The following GAS7 variants were observed in gnomAD, a reference collection of about 807,000 sequenced individuals.
The protein encoded by GAS7 is growth arrest-specific protein 7.
In GAS7, 28 loss-of-function variants were observed where a neutral mutation model predicts 71.1. The observed-to-expected ratio is 0.39, with a 90% CI of 0.29 to 0.54. GAS7 has a LOEUF of 0.54. Among genes scored for constraint, GAS7 ranks in the 20% least tolerant of loss-of-function variants. The probability of loss-of-function intolerance (pLI) is 0.62; values close to 1 mark genes in which losing one functional copy is unlikely to be tolerated. For missense variants in GAS7, 436 were observed against 627.8 expected, an observed-to-expected ratio of 0.69 and a Z score of 3.27; for synonymous variants, 258 against 245.8, an observed-to-expected ratio of 1.05 and a Z score of -0.46.
intron 5 of GAS7, among the ~76,000 whole-genome samples, chr17:9,947,672 A>G (rs1015099752): frequency 1.7e-4 from 26 of 151,744 alleles, no homozygotes; most frequent in Non-Finnish European, 2.4e-4. Flanking sequence ...TGGACCCGGG[A>G]GGCAGAGGTT....
chr17:10,084,474 C>CT (rs1014664610), intron 1 of GAS7, among the ~76,000 whole-genome samples: 17 of 151,336 alleles, frequency 1.1e-4, no homozygotes, highest in South Asian at 2.1e-4. Flanking sequence ...TTCCCTTTAT[C>CT]TTTTTTTTTG....
chr17:10,071,626 G>A (rs1417500027), intron 1 of GAS7, among the ~76,000 whole-genome samples: 1 of 152,136 alleles, frequency 6.6e-6, no homozygotes. Context: ...GACAGGTCTT[G>A]TGAAAAAACA....
chr17:10,026,332 C>G lies in GAS7; in HGVS notation c.184-6435G>C. The G allele has an allele frequency of 1.0e-6, 1 of 973,094 alleles. No individual in the cohort carries two copies. The highest frequency in any genetic ancestry group is 1.2e-6 in the Non-Finnish European group (1 of 818,712). The allele number at this position is 973,094 out of a possible 1,614,324, so 60.3% of individuals were successfully genotyped here. On this transcript the variant is annotated intron_variant, in intron 1 of 13. Transcript: ENST00000432992. This position sits in a 1 kb window ranked among gnomAD's most constrained non-coding sequence, Gnocchi z 4.5. Reference sequence around the variant, plus strand: ...ATCCACAGGGCCCCACACCCCCACTCCCCCCACACCCAGATCTATATATAA... The same window carrying G: ...ATCCACAGGGCCCCACACCCCCACTGCCCCCACACCCAGATCTATATATAA...
At chr17:10,177,771 G>A (rs2074383966) in intron 1 of GAS7, among the ~76,000 whole-genome samples, 1 of 152,158 alleles carries the variant, frequency 6.6e-6, no homozygotes, top group South Asian at 2.1e-4. Flanking sequence ...TGCAGCTGTA[G>A]CTGAATATAT....
chr17:9,990,124 C>T (rs1474671752), intron 2 of GAS7, among the ~76,000 whole-genome samples: 1 of 152,174 alleles, frequency 6.6e-6, no homozygotes. Flanking sequence ...AAAAAATTAG[C>T]CGGGCGTGGT....
chr17:10,115,429 C>T (rs2073852325), intron 1 of GAS7, among the ~76,000 whole-genome samples: 1 of 152,240 alleles, frequency 6.6e-6, no homozygotes, highest in Non-Finnish European at 1.5e-5. Context: ...CTCCCCAACT[C>T]AGGAAGTGTT....
At chr17:10,192,246 G>A (rs2074508067) in intron 1 of GAS7, among the ~76,000 whole-genome samples, 1 of 152,144 alleles carries the variant, frequency 6.6e-6, no homozygotes, top group African/African-American at 2.4e-5. Flanking sequence ...GCCATTGCAG[G>A]GAGACAGAGA....
chr17:10,121,560 T>G (rs1315034217), intron 1 of GAS7, among the ~76,000 whole-genome samples: 1 of 152,086 alleles, frequency 6.6e-6, no homozygotes, highest in Non-Finnish European at 1.5e-5. Flanking sequence ...ATTGTGAGGA[T>G]TAAATGAGTG....
intron 1 of GAS7, among the ~76,000 whole-genome samples, chr17:10,102,964 G>A (rs762873172): frequency 6.6e-6 from 1 of 152,104 alleles, no homozygotes; most frequent in Non-Finnish European, 1.5e-5. Context: ...ATTGAGGAAG[G>A]GCTGTGGAAT....
At chr17:10,128,107 G>A (rs903283050) in intron 1 of GAS7, among the ~76,000 whole-genome samples, 3 of 152,196 alleles carry the variant, frequency 2.0e-5, no homozygotes, top group Non-Finnish European at 4.4e-5. Context: ...TGGGGCCCCC[G>A]AGTCACACAC....
Position 9,918,097 on chromosome 17 carries a change from C to T in GAS7, c.1221G>A (p.Glu407=). The change falls in exon 13 of 14, where the codon GAG becomes GAA. Residue 407 remains glutamate (E), a splice_region_variant and synonymous_variant. Transcript: ENST00000432992. The part of the protein sequence containing the change: ...WFEEMVTTTL[E]LERLEVERVE... ...CCCTCTCCACCTCCAGCCGCTCTAG[C>T]TCCTGCCGAGAAAGCAAAGGCCAGA... 6.2e-7 allele frequency: 1 copy of T among 1,612,544 alleles called. No individual in the cohort carries two copies. Among genetic ancestry groups the T allele is most frequent in the Non-Finnish European group, 8.5e-7 (1 of 1,178,820 alleles).
At chr17:10,146,905 C>T (rs575703350) in intron 1 of GAS7, among the ~76,000 whole-genome samples, 42 of 149,064 alleles carry the variant, frequency 2.8e-4, no homozygotes, top group African/African-American at 9.7e-4. Flanking sequence ...GGCATAAACC[C>T]GGGAGGCGGA....
intron 2 of GAS7, among the ~76,000 whole-genome samples, chr17:10,019,046 T>C (rs1315739579): frequency 1.3e-5 from 2 of 152,152 alleles, no homozygotes; most frequent in African/African-American, 4.8e-5. Flanking sequence ...ACAGTGCCCT[T>C]TGCTCACCTT....
intron 1 of GAS7, among the ~76,000 whole-genome samples, chr17:10,180,709 A>G (rs2074408126): frequency 6.6e-6 from 1 of 152,024 alleles, no homozygotes; most frequent in Non-Finnish European, 1.5e-5. Flanking sequence ...TACCTATCCT[A>G]TGCATGTGTA....
chr17:10,088,220 C>CAATAAT (rs58029258), intron 1 of GAS7, among the ~76,000 whole-genome samples: 37,920 of 137,476 alleles, frequency 0.28, 5,644 homozygotes, highest in Non-Finnish European at 0.31. Context: ...GACTCTATCT[C>CAATAAT]AATAATAATA....
intron 2 of GAS7, among the ~76,000 whole-genome samples, chr17:10,016,384 CAAAA>C: frequency 1.4e-5 from 1 of 71,416 alleles, no homozygotes; most frequent in Admixed American, 1.8e-4. Flanking sequence ...GACTCCGTCT[CAAAA>C]AAAAAAAAAA....
chr17:10,126,804 C>G (rs1211936438), intron 1 of GAS7, among the ~76,000 whole-genome samples: 1 of 152,246 alleles, frequency 6.6e-6, no homozygotes, highest in Non-Finnish European at 1.5e-5. Context: ...GGCTCTGACT[C>G]TAGTCCCAGT....
At chr17:10,039,420 G>A (rs1482602519) in intron 1 of GAS7, among the ~76,000 whole-genome samples, 3 of 152,090 alleles carry the variant, frequency 2.0e-5, no homozygotes, top group African/African-American at 2.4e-5. Context: ...GGTGGCTCAC[G>A]TCTGTAATCC....
chr17:9,911,821 A>T lies in GAS7; in HGVS notation c.*5407T>A, dbSNP rs892135695. On this transcript the variant is annotated 3_prime_UTR_variant, in exon 14 of 14. Coordinates refer to ENST00000432992, the MANE Select transcript of GAS7 (RefSeq NM_201433.2). This position sits in a 1 kb window ranked among gnomAD's most constrained non-coding sequence, Gnocchi z 4.0. The stretch of plus-strand genomic sequence containing the variant: ...TCTGGTTCGCATAGAGAGGTACCCA[A>T]CTGGTCTCGGGACTCACCTTTCACT... The T allele has an allele frequency of 1.3e-5, 3 of 230,884 alleles. No homozygotes were observed. Among genetic ancestry groups the T allele is most frequent in the East Asian group, 6.1e-5 (1 of 16,264 alleles). 14.3% of individuals were successfully genotyped at this position (230,884 alleles called of 1,614,324 possible).
Sources: allele counts gnomAD v4.1 joint callset (sites outside exome capture counted in the v4.1 genomes callset), GRCh38; gene constraint gnomAD v4.1.1; non-coding constraint Gnocchi (gnomAD v3.1); transcripts MANE v1.5; gene names NCBI Gene and HGNC (gene_info 2026-07-23, HGNC 2026-07-21).